The following TNFSF11 variants were observed in gnomAD, a reference collection of about 807,000 sequenced individuals.
TNFSF11 encodes tumor necrosis factor ligand superfamily member 11.
In TNFSF11, 12 loss-of-function variants were observed where a neutral mutation model predicts 32.2. The observed-to-expected ratio is 0.37, with a 90% CI of 0.24 to 0.60. TNFSF11 has a LOEUF of 0.60. TNFSF11 is among the 20% of genes least tolerant of loss of function. TNFSF11 has a pLI of 0.66. For missense variants in TNFSF11, 345 were observed against 398.0 expected (o/e 0.87, Z 1.13); for synonymous variants, 172 against 152.1 (o/e 1.13, Z -0.96).
At chr13:42,592,949 C>A (rs761708109) in intron 2 of TNFSF11, among the ~76,000 whole-genome samples, 1 of 152,178 alleles carries the variant, frequency 6.6e-6, no homozygotes, top group African/African-American at 2.4e-5. Flanking sequence ...GCTTCCCCAG[C>A]CATGCGGAAC....
At chr13:42,601,806 T>C (rs997459083) in intron 4 of TNFSF11, among the ~76,000 whole-genome samples, 6 of 152,150 alleles carry the variant, frequency 3.9e-5, no homozygotes, top group African/African-American at 1.4e-4. Context: ...CAATCAGGTG[T>C]TTTCCCCTTC....
chr13:42,577,897 A>T (rs769232162), intron 1 of TNFSF11, among the ~76,000 whole-genome samples: 1 of 152,248 alleles, frequency 6.6e-6, no homozygotes, highest in Non-Finnish European at 1.5e-5. Flanking sequence ...GCATTTTAAC[A>T]GTCCATTTTA....
upstream of TNFSF11, among the ~76,000 whole-genome samples, chr13:42,569,223 G>A (rs1201575105): frequency 1.3e-5 from 2 of 152,112 alleles, no homozygotes; most frequent in African/African-American, 2.4e-5. Flanking sequence ...GTCTGGGTGG[G>A]CCCAATGTAA....
chr13:42,606,833 G>A lies in TNFSF11; in HGVS notation c.869G>A (p.Ser290Asn), dbSNP rs780768396. Reference sequence around the variant, plus strand: ...AAGTTACGGTCTGGAGAGGAAATCAGCATCGAGGTCTCCAACCCCTCCTTA... The same window carrying A: ...AAGTTACGGTCTGGAGAGGAAATCAACATCGAGGTCTCCAACCCCTCCTTA... Reference protein sequence around the residue: ...FFKLRSGEEISIEVSNPSLLD... With the variant: ...FFKLRSGEEINIEVSNPSLLD... The change falls in exon 5 of 5, where the codon AGC becomes AAC. Residue 290 changes from serine (S) to asparagine (N), a missense_variant. Around this residue, in one of 2 missense-constraint regions of TNFSF11, gnomAD observed 148 missense variants for 216.0 expected, o/e 0.69. Transcript: ENST00000398795. The A allele has an allele frequency of 2.5e-6, 4 of 1,613,812 alleles. No homozygotes were observed. The highest frequency in any genetic ancestry group is 4.5e-5 in the East Asian group (2 of 44,882).
upstream of TNFSF11, among the ~76,000 whole-genome samples, chr13:42,573,173 T>TTC (rs1424495232): frequency 6.6e-6 from 1 of 152,166 alleles, no homozygotes; most frequent in African/African-American, 2.4e-5. Context: ...TTTTTTTTTT[T>TTC]TCAAATATTT....
chr13:42,567,341 C>T (rs1872905940), intron 2 of TNFSF11, among the ~76,000 whole-genome samples: 1 of 152,152 alleles, frequency 6.6e-6, no homozygotes, highest in Non-Finnish European at 1.5e-5. Flanking sequence ...AACAGAGTTG[C>T]TTTCTAGAAA....
chr13:42,570,317 T>C (rs1487684486), upstream of TNFSF11, among the ~76,000 whole-genome samples: 3 of 152,212 alleles, frequency 2.0e-5, no homozygotes, highest in Non-Finnish European at 2.9e-5. Flanking sequence ...AGGAAAGGTA[T>C]TAAATTCAGA....
rs201381590 is a variant in TNFSF11, at chr13:42,607,719, G to T, written c.*801G>T. ...TAATAAGCAGGATGTTGGCCACCAG[G>T]TGCCTTTCAAATTTAGAAACTAATT... On this transcript the variant is annotated 3_prime_UTR_variant, in exon 5 of 5. Transcript: ENST00000398795. 1 of 152,694 alleles carries T rather than the reference G, an allele frequency of 6.5e-6. No individual in the cohort carries two copies. The highest frequency in any genetic ancestry group is 2.4e-5 in the African/African-American group (1 of 41,418). 9.5% of individuals were successfully genotyped at this position (152,694 alleles called of 1,614,324 possible). A position where few individuals can be genotyped will look rare whatever the true frequency, so the allele number is the denominator to read the frequency against.
intron 1 of TNFSF11, among the ~76,000 whole-genome samples, chr13:42,574,988 G>T (rs1194011602): frequency 6.6e-6 from 1 of 152,212 alleles, no homozygotes; most frequent in Non-Finnish European, 1.5e-5. Flanking sequence ...CGGTTCCTGC[G>T]CCTGGCTGCT....
At chr13:42,586,930 A>G (rs1269045332) in intron 2 of TNFSF11, among the ~76,000 whole-genome samples, 1 of 152,236 alleles carries the variant, frequency 6.6e-6, no homozygotes, top group African/African-American at 2.4e-5. Context: ...ATCCTCTGAT[A>G]TTAAGATTAA....
At chr13:42,604,065 C>T (rs192002085) in intron 4 of TNFSF11, among the ~76,000 whole-genome samples, 44 of 152,294 alleles carry the variant, frequency 2.9e-4, no homozygotes, top group Non-Finnish European at 5.7e-4. Context: ...CTTTCCTTGC[C>T]TTCCTAGGCC....
chr13:42,573,486 C>T (rs1405912083), upstream of TNFSF11, among the ~76,000 whole-genome samples: 3 of 152,142 alleles, frequency 2.0e-5, no homozygotes, highest in African/African-American at 7.2e-5. Context: ...GTGAGCCCTC[C>T]TCGGATGCTT....
At chr13:42,573,508 C>T (rs1035896365), upstream of TNFSF11, among the ~76,000 whole-genome samples, 2 of 152,200 alleles carry the variant, frequency 1.3e-5, no homozygotes, top group Non-Finnish European at 2.9e-5. Flanking sequence ...CTTCTGGCTA[C>T]ACGCCCCTTT....
rs1423278415 is a variant in TNFSF11, at chr13:42,581,213, A to C, written c.307A>C (p.Thr103Pro). Residue 103 changes from threonine (T) to proline (P), a missense_variant, in exon 2 of 5, where the codon ACT (threonine) becomes CCT (proline). Transcript: ENST00000398795. The stretch of plus-strand genomic sequence containing the variant: ...TGAAAATGCAGATTTTCAAGACACA[A>C]CTCTGGAGAGTCAAGATACAAAATT... Reference protein sequence around the residue: ...LHENADFQDTTLESQDTKLIP... With the variant: ...LHENADFQDTPLESQDTKLIP... 1 of 1,614,056 alleles carries C rather than the reference A, an allele frequency of 6.2e-7. No individual in the cohort carries two copies. The highest frequency in any genetic ancestry group is 1.3e-5 in the African/African-American group (1 of 75,028).
chr13:42,569,344 C>T (rs995927769), upstream of TNFSF11, among the ~76,000 whole-genome samples: 63 of 151,802 alleles, frequency 4.2e-4, no homozygotes, highest in African/African-American at 1.4e-3. Flanking sequence ...GTCGGGAGAT[C>T]GAGACCATCC....
intron 2 of TNFSF11, among the ~76,000 whole-genome samples, chr13:42,594,450 A>G (rs1378612583): frequency 1.3e-5 from 2 of 152,188 alleles, no homozygotes; most frequent in African/African-American, 2.4e-5. Flanking sequence ...ACAACTTAAT[A>G]ACATTCTCTC....
intron 2 of TNFSF11, among the ~76,000 whole-genome samples, chr13:42,598,566 C>A (rs1427166195): frequency 6.6e-6 from 1 of 152,132 alleles, no homozygotes; most frequent in African/African-American, 2.4e-5. Context: ...ACATGTCAGA[C>A]CCCTCCACAC....
At chr13:42,586,247 G>T (rs111432782) in intron 2 of TNFSF11, among the ~76,000 whole-genome samples, 5 of 152,156 alleles carry the variant, frequency 3.3e-5, no homozygotes, top group African/African-American at 1.2e-4. Context: ...GCCATTTCGC[G>T]CACATCTGAA....
chr13:42,576,450 C>T (rs531724030), intron 1 of TNFSF11, among the ~76,000 whole-genome samples: 1 of 151,958 alleles, frequency 6.6e-6, no homozygotes, highest in Admixed American at 6.5e-5. Context: ...ACATTCAGAA[C>T]CCCTTTTCAA....
Sources: gnomAD v4.1 joint callset for allele counts (sites outside exome capture counted in the v4.1 genomes callset) on GRCh38, gnomAD v4.1.1 for gene constraint, gnomAD v4.1.1 regional missense constraint, MANE v1.5 for transcripts, NCBI Gene and HGNC (gene_info 2026-07-23, HGNC 2026-07-21) for gene names.